The following LRP4 variants were observed in gnomAD, a reference collection of about 807,000 sequenced individuals.
LRP4 encodes the protein low-density lipoprotein receptor-related protein 4.
In LRP4, 95 loss-of-function variants were observed where a neutral mutation model predicts 220.3. The observed-to-expected ratio is 0.43, with a 90% CI of 0.37 to 0.51. LRP4 has a LOEUF of 0.51. LRP4 is among the 20% of genes least tolerant of loss of function. LRP4 has a pLI of 0.00. For synonymous variants in LRP4, 903 were observed against 954.6 expected, an observed-to-expected ratio of 0.95 and a Z score of 1.00; for missense variants, 1,925 against 2,567.0, an observed-to-expected ratio of 0.75 and a Z score of 5.40.
In LRP4 at chr11:46,879,135, G is replaced by A. The variant is rs1404612994; in HGVS notation, c.2995C>T (p.Arg999Trp). 10 of 1,614,088 alleles carry A rather than the reference G, an allele frequency of 6.2e-6. No individual in the cohort carries two copies. Among genetic ancestry groups the A allele is most frequent in the African/African-American group, 2.7e-5 (2 of 74,936 alleles). The change falls in exon 21 of 38, where the codon CGG becomes TGG. Residue 999 changes from arginine to tryptophan, a missense_variant. By Grantham distance (101) the Arg-to-Trp change is moderately radical. Coordinates refer to ENST00000378623, the MANE Select transcript of LRP4 (RefSeq NM_002334.4). ...LMDIHVFHRR[R>W]PPVSTPCAME... ...GCCAAGGGCTGCTCACCTGGGGGCC[G>A]GCGGCGGTGGAAGACATGGATGTCC...
At position 46,899,895 on chromosome 11, in the gene LRP4, T is replaced by G; in HGVS notation, c.398A>C (p.Asn133Thr). The change falls in exon 4 of 38, where the codon AAT (asparagine) becomes ACT (threonine). Residue 133 changes from asparagine to threonine, a missense_variant. By Grantham distance (65) the Asn-to-Thr change is moderately conservative (BLOSUM62 0). Transcript: ENST00000378623. The surrounding 1 kb of genome is among the most constrained non-coding windows in gnomAD (Gnocchi z 5.9). ...IRSLWHCDGD[N>T]DCGDNSDEQC... ...CTCATCGCTGTTGTCGCCACAGTCA[T>G]TGTCACCATCGCAGTGCCACAGACT... 6.2e-7 allele frequency: 1 copy of G among 1,613,974 alleles called. No homozygotes were observed. Among genetic ancestry groups the G allele is most frequent in the Non-Finnish European group, 8.5e-7 (1 of 1,180,024 alleles).
In LRP4 at chr11:46,918,223, G is replaced by A. The variant is rs1941982300; in HGVS notation, c.52+105C>T. 1.6e-6 allele frequency: 2 copies of A among 1,249,718 alleles called. No homozygotes were observed. Among genetic ancestry groups the A allele is most frequent in the Non-Finnish European group, 1.1e-6 (1 of 907,230 alleles). 77.4% of individuals were successfully genotyped at this position (1,249,718 alleles called of 1,614,324 possible). Reference sequence around the variant, plus strand: ...CAGCCCCAGGGCCACGGCTAGGAGCGAGGGCGAGGGGTCTCAGGCCCCGGC... The same window carrying A: ...CAGCCCCAGGGCCACGGCTAGGAGCAAGGGCGAGGGGTCTCAGGCCCCGGC... On this transcript the variant is annotated intron_variant, in intron 1 of 37. Transcript: ENST00000378623. This position sits in a 1 kb window ranked among gnomAD's most constrained non-coding sequence, Gnocchi z 6.0.
At chr11:46,893,982 C>T (rs1941474318) in intron 12 of LRP4, among the ~76,000 whole-genome samples, 2 of 150,852 alleles carry the variant, frequency 1.3e-5, no homozygotes, top group South Asian at 2.1e-4. Flanking sequence ...ACCTCCACTT[C>T]CTGAGTTCAA....
intron 1 of LRP4, among the ~76,000 whole-genome samples, chr11:46,910,969 C>A (rs1267568499): frequency 1.3e-5 from 2 of 152,172 alleles, no homozygotes; most frequent in Non-Finnish European, 2.9e-5. Flanking sequence ...AGCCACCACA[C>A]CCAGCAAATC....
At position 46,873,753 on chromosome 11, in the gene LRP4, T is replaced by C. The variant is rs1199224969; in HGVS notation, c.4230-160A>G. The C allele has an allele frequency of 1.6e-6, 1 of 606,142 alleles. No homozygotes were observed. The highest frequency in any genetic ancestry group is 1.8e-5 in the African/African-American group (1 of 54,114). 37.5% of individuals were successfully genotyped at this position (606,142 alleles called of 1,614,324 possible). On this transcript the variant is annotated intron_variant, in intron 28 of 37. Transcript: ENST00000378623. This position sits in a 1 kb window ranked among gnomAD's most constrained non-coding sequence, Gnocchi z 4.2. ...ATTCCTCAGCACCCAGCATGATAGA[T>C]GTTCAATAAAATAATTGCAGAATGA...
chr11:46,862,072 A>C, intron 37 of LRP4, among the ~76,000 whole-genome samples: 1 of 149,450 alleles, frequency 6.7e-6, no homozygotes, highest in Non-Finnish European at 1.5e-5. Flanking sequence ...CTGTCTCAAA[A>C]AAAAAAAAAA....
At chr11:46,886,273 T>C (rs961382144) in intron 17 of LRP4, 52 bp downstream of exon 17, 1 of 1,601,958 alleles carries the variant, frequency 6.2e-7, no homozygotes, top group African/African-American at 1.3e-5. Context: ...TGGGAAGCCC[T>C]TCCCTGGAGA....
intron 23 of LRP4, 117 bp downstream of exon 23, chr11:46,877,082 G>C: frequency 8.2e-7 from 1 of 1,212,528 alleles, no homozygotes; most frequent in Non-Finnish European, 1.2e-6. Context: ...ATGCCAGAGG[G>C]AATGGGGAAC....
At chr11:46,880,023 T>C (rs11825434) in intron 20 of LRP4, among the ~76,000 whole-genome samples, 22,628 of 152,102 alleles carry the variant, frequency 0.15, 2,563 homozygotes, top group African/African-American at 0.32. Context: ...GAGAATTGCT[T>C]GAACCCGGGA....
chr11:46,900,718 C>T (rs903545407), intron 2 of LRP4, among the ~76,000 whole-genome samples: 11 of 151,504 alleles, frequency 7.3e-5, no homozygotes, highest in East Asian at 3.9e-4. Context: ...CTCAAACCCC[C>T]GACCTCAGGT....
Position 46,902,725 on chromosome 11 carries a change from G to GC in LRP4, c.199+57dup, listed in dbSNP as rs1462512985. On this transcript the variant is annotated intron_variant, in intron 2 of 37. Coordinates refer to ENST00000378623, the MANE Select transcript of LRP4 (RefSeq NM_002334.4). ...AAAATACTCCATCAGCCTTGTCCTT[G>GC]CCCCCCACCCCCAGGTCCCTCTCCA... The GC allele has an allele frequency of 4.4e-6, 7 of 1,599,792 alleles. No individual in the cohort carries two copies. The Admixed American group carries it at 1.2e-4, about 27-fold the overall frequency.
intron 13 of LRP4, among the ~76,000 whole-genome samples, chr11:46,891,301 A>G (rs1941417093): frequency 6.6e-6 from 1 of 151,792 alleles, no homozygotes; most frequent in Admixed American, 6.6e-5. Context: ...TTTAGTAGAG[A>G]TGGGGTTTCA....
chr11:46,876,948 G>C, intron 23 of LRP4, 118 bp from the exon 24 acceptor site: 1 of 921,368 alleles, frequency 1.1e-6, no homozygotes, highest in Non-Finnish European at 1.8e-6. Flanking sequence ...CTCTAGCAGA[G>C]GAAATCAAGG....
At chr11:46,861,312 T>G (rs1318550368) in intron 37 of LRP4, among the ~76,000 whole-genome samples, 1 of 152,088 alleles carries the variant, frequency 6.6e-6, no homozygotes, top group African/African-American at 2.4e-5. Flanking sequence ...ATGATTATTA[T>G]GTGAAATGTG....
intron 16 of LRP4, among the ~76,000 whole-genome samples, chr11:46,887,698 G>T (rs1354221704): frequency 6.6e-6 from 1 of 151,962 alleles, no homozygotes; most frequent in African/African-American, 2.4e-5. Flanking sequence ...AGGCATGGTG[G>T]CAGGTGCCTG....
chr11:46,913,265 A>T (rs1434314445), intron 1 of LRP4, among the ~76,000 whole-genome samples: 1 of 152,232 alleles, frequency 6.6e-6, no homozygotes, highest in Non-Finnish European at 1.5e-5. Flanking sequence ...TTCTTGCTAA[A>T]TCAAAAACGC....
At chr11:46,864,409 C>CTT in intron 36 of LRP4, 39 bp downstream of exon 36, 27 of 1,373,652 alleles carry the variant, frequency 2.0e-5, no homozygotes, top group Non-Finnish European at 2.4e-5. Flanking sequence ...CTCATGAAGA[C>CTT]CAATGAGCAT....
At chr11:46,878,008 G>T (rs1273730752) in intron 22 of LRP4, among the ~76,000 whole-genome samples, 2 of 152,178 alleles carry the variant, frequency 1.3e-5, no homozygotes, top group Non-Finnish European at 2.9e-5. Flanking sequence ...CTCACAACCT[G>T]AGAGGCACAG....
intron 19 of LRP4, among the ~76,000 whole-genome samples, chr11:46,882,128 A>G (rs1401420390): frequency 1.3e-5 from 2 of 152,222 alleles, no homozygotes; most frequent in Non-Finnish European, 2.9e-5. Flanking sequence ...CCCACAGCTT[A>G]AGCAAAACTC....
Sources: gnomAD v4.1 joint callset for allele counts (sites outside exome capture counted in the v4.1 genomes callset) on GRCh38, gnomAD v4.1.1 for gene constraint, Gnocchi (gnomAD v3.1) non-coding constraint, MANE v1.5 for transcripts, NCBI Gene and HGNC (gene_info 2026-07-23, HGNC 2026-07-21) for gene names.